Variants in FAAP20 observed in about 807,000 individuals in gnomAD.
The protein encoded by FAAP20 is FA core complex associated protein 20, also known as Fanconi anemia core complex-associated protein 20.
In FAAP20, 12 loss-of-function variants were observed where a neutral mutation model predicts 16.2. That is an observed-to-expected ratio of 0.74 (90% CI 0.48 to 1.20). FAAP20 has a LOEUF of 1.20. Among genes scored for constraint, FAAP20 ranks in the 50% most tolerant of loss-of-function variants. The pLI is 0.00. For missense variants in FAAP20, 288 were observed against 245.8 expected (o/e 1.17, Z -1.15); for synonymous variants, 141 against 110.7 (o/e 1.27, Z -1.72).
chr1:2,194,735 C>T lies in FAAP20; in HGVS notation c.15G>A (p.Arg5=), dbSNP rs886654766. 5.0e-6 allele frequency: 6 copies of T among 1,195,908 alleles called. No homozygotes were observed. The African/African-American group carries it at 6.4e-5, about 13-fold the overall frequency. 74.1% of individuals were successfully genotyped at this position (1,195,908 alleles called of 1,614,324 possible). A position where few individuals can be genotyped will look rare whatever the true frequency, so the allele number is the denominator to read the frequency against. Residue 5 remains arginine, a synonymous_variant, in exon 1 of 4, where the codon CGG becomes CGA. Coordinates refer to ENST00000378546, the MANE Select transcript of FAAP20 (RefSeq NM_182533.4). MEAA[R]RPRLGLSRRR... Reference sequence around the variant, plus strand: ...GGCGGCTCAACCCCAGCCGCGGCCTCCGCGCCGCCTCCATCCAAGCCCGCG... The same window carrying T: ...GGCGGCTCAACCCCAGCCGCGGCCTTCGCGCCGCCTCCATCCAAGCCCGCG...
chr1:2,204,513 G>A (rs939143499), upstream of FAAP20, among the ~76,000 whole-genome samples: 27 of 152,216 alleles, frequency 1.8e-4, no homozygotes, highest in Admixed American at 1.0e-3. Context: ...TGGCGATCCC[G>A]GTGGCTCCGG....
downstream of FAAP20, among the ~76,000 whole-genome samples, chr1:2,208,003 C>T (rs966753735): frequency 6.6e-6 from 1 of 151,960 alleles, no homozygotes; most frequent in Non-Finnish European, 1.5e-5. Flanking sequence ...TGTGTGCCCG[C>T]GTGCCTGCAC....
chr1:2,209,816 A>G (rs1404107778), downstream of FAAP20, among the ~76,000 whole-genome samples: 5 of 152,172 alleles, frequency 3.3e-5, no homozygotes, highest in Admixed American at 1.3e-4. Context: ...AGGACCCTTC[A>G]GGCTCCCAGC....
At chr1:2,186,169 C>T, downstream of FAAP20, 2 of 425,470 alleles carry the variant, frequency 4.7e-6, no homozygotes, top group South Asian at 3.3e-5. Flanking sequence ...TGGAAATTGC[C>T]ACGCAGCCCT....
chr1:2,205,916 C>A (rs1689242071), intron 3 of FAAP20, among the ~76,000 whole-genome samples: 1 of 152,254 alleles, frequency 6.6e-6, no homozygotes, highest in Non-Finnish European at 1.5e-5. Context: ...CTGTCCGAAG[C>A]CTTAAAAGGT....
At chr1:2,194,268 G>A (rs1434979145) in intron 1 of FAAP20, 135 bp from the exon 2 acceptor site, 1 of 1,254,654 alleles carries the variant, frequency 8.0e-7, no homozygotes, top group Admixed American at 2.5e-5. Flanking sequence ...TGCGGGAGGT[G>A]GCCGGCAGGG....
intron 3 of FAAP20, chr1:2,191,872 G>A (rs1688270916): frequency 5.1e-6 from 5 of 985,488 alleles, no homozygotes; most frequent in Non-Finnish European, 4.8e-6. Context: ...GTGACCCGCA[G>A]GTGTCTGAAA....
At chr1:2,193,552 A>T in intron 3 of FAAP20, 87 bp downstream of exon 3, 1 of 1,541,252 alleles carries the variant, frequency 6.5e-7, no homozygotes, top group Non-Finnish European at 8.7e-7. Flanking sequence ...GCCAGCGCTG[A>T]GCTCGGCCAC....
downstream of FAAP20, among the ~76,000 whole-genome samples, chr1:2,186,494 C>T (rs1687610826): frequency 8.5e-6 from 1 of 117,520 alleles, no homozygotes; most frequent in African/African-American, 3.2e-5. Flanking sequence ...CCCTGGACAC[C>T]CGCCCCCCCC....
chr1:2,192,539 G>A (rs746781914), intron 3 of FAAP20: 184 of 1,005,948 alleles, frequency 1.8e-4, no homozygotes, highest in Non-Finnish European at 2.1e-4. Context: ...CCCGGGGGGC[G>A]GGGGGCAGCA....
chr1:2,194,607 G>T, intron 1 of FAAP20, 81 bp downstream of exon 1: 1 of 762,660 alleles, frequency 1.3e-6, no homozygotes, highest in South Asian at 6.0e-5. Flanking sequence ...GGGGAGAATA[G>T]AGCGGGAGGC....
At chr1:2,193,933 C>T (rs1688557099) in intron 2 of FAAP20, 23 bp from the exon 3 acceptor site, 1 of 1,612,332 alleles carries the variant, frequency 6.2e-7, no homozygotes. Context: ...GTTGTTGGGC[C>T]TTGCCCAGCG....
intron 3 of FAAP20, 57 bp downstream of exon 3, chr1:2,193,582 C>A: frequency 6.4e-7 from 1 of 1,571,174 alleles, no homozygotes; most frequent in Non-Finnish European, 8.5e-7. Flanking sequence ...TTCTGAACGG[C>A]TGTGGTTTCC....
chr1:2,188,103 T>TCAC (rs1397127360), downstream of FAAP20, among the ~76,000 whole-genome samples: 2 of 152,176 alleles, frequency 1.3e-5, no homozygotes, highest in Non-Finnish European at 2.9e-5. Context: ...GTCTGGGTGT[T>TCAC]CACACCACGT....
At chr1:2,187,278 C>T, downstream of FAAP20, 1 of 407,600 alleles carries the variant, frequency 2.5e-6, no homozygotes, top group Non-Finnish European at 5.0e-6. Context: ...GTTTCTGAAG[C>T]CATTTTCTTT....
At chr1:2,195,174 G>A (rs915348580), upstream of FAAP20, among the ~76,000 whole-genome samples, 2 of 152,218 alleles carry the variant, frequency 1.3e-5, no homozygotes, top group East Asian at 3.9e-4. Context: ...GAAATCCGCC[G>A]TCGCCACCAC....
rs749318972 is a variant in FAAP20 at position 2,189,795 on chromosome 1, GC to G, written c.471-15del. The G allele has an allele frequency of 9.4e-6, 15 of 1,604,166 alleles. No homozygotes were observed. The highest frequency in any genetic ancestry group is 1.3e-5 in the Non-Finnish European group (15 of 1,172,026). ...AGCTGGGTCAGCCTGCAAGGGAGGG[GC>G]CACACTCACTCGGCCACCTCCGCGG... On this transcript the variant is annotated splice_polypyrimidine_tract_variant and intron_variant, in intron 3 of 3. Coordinates refer to ENST00000378546, the MANE Select transcript of FAAP20 (RefSeq NM_182533.4).
At chr1:2,211,316 G>A (rs537075980), downstream of FAAP20, among the ~76,000 whole-genome samples, 6 of 122,052 alleles carry the variant, frequency 4.9e-5, no homozygotes, top group Non-Finnish European at 6.4e-5. Context: ...TGCAACCTCC[G>A]CCGCTCAGGT....
At chr1:2,195,700 G>C (rs760145867), upstream of FAAP20, among the ~76,000 whole-genome samples, 9 of 152,196 alleles carry the variant, frequency 5.9e-5, no homozygotes, top group Non-Finnish European at 1.3e-4. Flanking sequence ...TGTGGAGCCC[G>C]GCCCTGAACC....
Sources: allele counts gnomAD v4.1 joint callset (sites outside exome capture counted in the v4.1 genomes callset), GRCh38; gene constraint gnomAD v4.1.1; transcripts MANE v1.5; gene names NCBI Gene and HGNC (gene_info 2026-07-23, HGNC 2026-07-21).